The following SAMD12 variants were observed in gnomAD, a reference collection of about 807,000 sequenced individuals.
The protein encoded by SAMD12 is sterile alpha motif domain-containing protein 12.
SAMD12 carries 9 observed loss-of-function variants against 15.0 expected under a neutral mutation model. The observed-to-expected ratio is 0.60, with a 90% CI of 0.36 to 1.05. The LOEUF (loss-of-function observed/expected upper bound fraction) is 1.05, where lower values mean the gene tolerates loss of function less well. Ranked by LOEUF, SAMD12 falls within the 50% of genes least tolerant of loss-of-function variation. SAMD12 has a pLI of 0.01. For missense variants in SAMD12, 230 were observed against 234.2 expected (o/e 0.98, Z 0.12); for synonymous variants, 86 against 90.1 (o/e 0.96, Z 0.25).
intron 2 of SAMD12, among the ~76,000 whole-genome samples, chr8:118,481,205 T>G (rs1824117472): frequency 6.6e-6 from 1 of 152,172 alleles, no homozygotes; most frequent in Admixed American, 6.6e-5. Context: ...TCCGCCTGCC[T>G]TAGCCTCCCA....
At chr8:118,518,487 C>T (rs926500401) in intron 2 of SAMD12, among the ~76,000 whole-genome samples, 1 of 152,148 alleles carries the variant, frequency 6.6e-6, no homozygotes, top group African/African-American at 2.4e-5. Context: ...TTTCCCTGTA[C>T]CCCAATGCCA....
chr8:118,538,279 C>T (rs1229062392), intron 2 of SAMD12, among the ~76,000 whole-genome samples: 1 of 152,156 alleles, frequency 6.6e-6, no homozygotes, highest in East Asian at 1.9e-4. Flanking sequence ...CCCTAGGTCA[C>T]ATGCCCCTCA....
chr8:118,363,577 C>T (rs1480885881), intron 4 of SAMD12, among the ~76,000 whole-genome samples: 1 of 152,098 alleles, frequency 6.6e-6, no homozygotes, highest in Non-Finnish European at 1.5e-5. Context: ...CATCTGCTCT[C>T]CTGGTCCTCA....
chr8:118,584,956 A>AC (rs1827399571), intron 1 of SAMD12, among the ~76,000 whole-genome samples: 2 of 134,746 alleles, frequency 1.5e-5, no homozygotes, highest in South Asian at 2.4e-4. Flanking sequence ...CACACACACA[A>AC]ACACACACAC....
intron 4 of SAMD12, among the ~76,000 whole-genome samples, chr8:118,308,567 G>T (rs1270412015): frequency 6.6e-6 from 1 of 152,062 alleles, no homozygotes; most frequent in East Asian, 1.9e-4. Context: ...AGGCATCAGG[G>T]CCATCATCAC....
the SAMD12 span, among the ~76,000 whole-genome samples, chr8:118,141,540 C>A: frequency 6.6e-6 from 1 of 152,170 alleles, no homozygotes; most frequent in African/African-American, 2.4e-5. Flanking sequence ...ATACACCAAG[C>A]TTCCTGCTAA....
At chr8:118,393,799 A>G (rs1294651780) in intron 3 of SAMD12, among the ~76,000 whole-genome samples, 1 of 151,646 alleles carries the variant, frequency 6.6e-6, no homozygotes, top group Non-Finnish European at 1.5e-5. Flanking sequence ...ATGGTGTTTC[A>G]CCATGTTGGC....
the SAMD12 span, among the ~76,000 whole-genome samples, chr8:118,140,699 C>G: frequency 6.6e-6 from 1 of 152,190 alleles, no homozygotes; most frequent in Non-Finnish European, 1.5e-5. Context: ...TTCATTTGCT[C>G]TTCTACATTT....
chr8:118,480,900 T>G (rs776502924), intron 2 of SAMD12, among the ~76,000 whole-genome samples: 1 of 152,178 alleles, frequency 6.6e-6, no homozygotes, highest in Non-Finnish European at 1.5e-5. Flanking sequence ...CTCTTCTCCA[T>G]TGATCTTGGC....
At chr8:118,177,848 T>A in the SAMD12 span, among the ~76,000 whole-genome samples, 2 of 152,162 alleles carry the variant, frequency 1.3e-5, no homozygotes, top group African/African-American at 4.8e-5. Flanking sequence ...ACAAACTGAG[T>A]TGGGCAAGTG....
chr8:118,221,590 G>C (rs541424809), intron 4 of SAMD12, among the ~76,000 whole-genome samples: 1 of 152,268 alleles, frequency 6.6e-6, no homozygotes, highest in South Asian at 2.1e-4. Context: ...GAGAGAGATG[G>C]GGTTGTAGTG....
intron 2 of SAMD12, among the ~76,000 whole-genome samples, chr8:118,565,966 T>C (rs1000906244): frequency 6.6e-6 from 1 of 152,208 alleles, no homozygotes; most frequent in Non-Finnish European, 1.5e-5. Context: ...ATCTCTCAAC[T>C]GTGTAAGCTA....
intron 2 of SAMD12, among the ~76,000 whole-genome samples, chr8:118,561,480 T>C (rs1184658667): frequency 6.6e-6 from 1 of 152,230 alleles, no homozygotes; most frequent in South Asian, 2.1e-4. Context: ...GAGGTTTAAT[T>C]GACTCACAAT....
chr8:118,428,625 G>A (rs1822309305), intron 3 of SAMD12, among the ~76,000 whole-genome samples: 1 of 151,966 alleles, frequency 6.6e-6, no homozygotes, highest in South Asian at 2.1e-4. Context: ...TGATGCAGGA[G>A]TTGAAGTTCA....
intron 3 of SAMD12, among the ~76,000 whole-genome samples, chr8:118,415,828 G>T (rs1821660056): frequency 6.6e-6 from 1 of 152,112 alleles, no homozygotes; most frequent in Non-Finnish European, 1.5e-5. Flanking sequence ...ACGCAGAAGT[G>T]GCAGCTCACA....
chr8:118,313,696 G>A (rs1197164626), intron 4 of SAMD12, among the ~76,000 whole-genome samples: 1 of 151,990 alleles, frequency 6.6e-6, no homozygotes, highest in Non-Finnish European at 1.5e-5. Context: ...GAGACAGTTA[G>A]TTTATATACC....
chr8:118,201,991 G>A (rs1288967538), intron 4 of SAMD12, among the ~76,000 whole-genome samples: 43 of 152,218 alleles, frequency 2.8e-4, no homozygotes, highest in Admixed American at 2.8e-3. Flanking sequence ...CATGGGCTCT[G>A]GCAGATATGG....
At chr8:118,270,706 G>A (rs1406381662) in intron 4 of SAMD12, among the ~76,000 whole-genome samples, 1 of 152,132 alleles carries the variant, frequency 6.6e-6, no homozygotes, top group East Asian at 1.9e-4. Flanking sequence ...GGATATTACA[G>A]GGGAAATTAA....
chr8:118,554,145 A>G (rs1026025036), intron 2 of SAMD12, among the ~76,000 whole-genome samples: 2 of 152,128 alleles, frequency 1.3e-5, no homozygotes, highest in African/African-American at 2.4e-5. Flanking sequence ...GGGATCTAGA[A>G]CTAGAAATAC....
Sources: allele counts gnomAD v4.1 joint callset (sites outside exome capture counted in the v4.1 genomes callset), GRCh38; gene constraint gnomAD v4.1.1; transcripts MANE v1.5; gene names NCBI Gene and HGNC (gene_info 2026-07-23, HGNC 2026-07-21).